Variants in NAV2 observed in about 807,000 individuals in gnomAD.
The protein encoded by NAV2 is helicase, APC down-regulated 1.
A neutral mutation model predicts 223.2 loss-of-function variants in NAV2; 54 were observed. That is an observed-to-expected ratio of 0.24 (90% confidence interval 0.19 to 0.30). NAV2 has a LOEUF of 0.30. NAV2 is among the 10% of genes least tolerant of loss of function. NAV2 has a pLI of 1.00. For missense variants in NAV2, 2,806 were observed against 3,147.5 expected (o/e 0.89, Z 2.60); for synonymous variants, 1,279 against 1,239.3 (o/e 1.03, Z -0.67).
intron 3 of NAV2, among the ~76,000 whole-genome samples, chr11:19,857,321 GGTGA>G (rs1162220659): frequency 2.9e-4 from 44 of 152,222 alleles, no homozygotes; most frequent in Admixed American, 2.9e-3. Flanking sequence ...AAAAGAGCAT[GGTGA>G]GTAAGTGTCA....
At chr11:20,062,163 C>T (rs2058747661) in intron 19 of NAV2, 144 bp from the exon 20 acceptor site, 1 of 536,684 alleles carries the variant, frequency 1.9e-6, no homozygotes. Flanking sequence ...TGACCTATCG[C>T]CAAACCAGGA....
chr11:19,613,622 A>T (rs753510673), intron 1 of NAV2, among the ~76,000 whole-genome samples: 1 of 152,178 alleles, frequency 6.6e-6, no homozygotes, highest in Non-Finnish European at 1.5e-5. Flanking sequence ...CCTCTCCAGG[A>T]CTTGCAGGGG....
intron 1 of NAV2, among the ~76,000 whole-genome samples, chr11:19,794,104 T>C (rs1404390360): frequency 6.6e-6 from 1 of 152,194 alleles, no homozygotes; most frequent in African/African-American, 2.4e-5. Flanking sequence ...GTCTGCATTA[T>C]TTTCTACTGA....
chr11:19,493,433 CCTT>C lies in NAV2; in HGVS notation c.75+142413_75+142415del, dbSNP rs530682224. On this transcript the variant is annotated intron_variant, in intron 1 of 37. Coordinates refer to the NAV2 transcript ENST00000360655. Reference sequence around the variant, plus strand: ...TAAGAGGTGAATTTTAGTAATTTTCCCTTCTTCTTAAAGCCTCTCTGTAATGTC... The same window carrying C: ...TAAGAGGTGAATTTTAGTAATTTTCCCTTCTTAAAGCCTCTCTGTAATGTC... 1.6e-4 allele frequency among the ~76,000 whole-genome samples: 25 copies of C among 152,212 alleles called. 1 individual carries two copies. In the South Asian group the frequency reaches 5.2e-3, roughly 32 times the overall value.
chr11:19,967,423 C>A (rs998926689), intron 10 of NAV2, among the ~76,000 whole-genome samples: 3 of 150,574 alleles, frequency 2.0e-5, no homozygotes, highest in Non-Finnish European at 4.5e-5. Context: ...GAACAGGTAA[C>A]AAGGTGCAGG....
chr11:19,586,582 A>G (rs1198886768), intron 1 of NAV2, among the ~76,000 whole-genome samples: 1 of 152,086 alleles, frequency 6.6e-6, no homozygotes, highest in Non-Finnish European at 1.5e-5. Flanking sequence ...TCTGTTTGTT[A>G]GTTTTCCTTC....
At chr11:19,868,546 C>T (rs1045178940) in intron 3 of NAV2, among the ~76,000 whole-genome samples, 2 of 152,192 alleles carry the variant, frequency 1.3e-5, no homozygotes, top group Non-Finnish European at 2.9e-5. Context: ...CTGCCTGCCT[C>T]TTTGGTGGCT....
At chr11:19,792,220 G>A (rs1022222520) in intron 1 of NAV2, among the ~76,000 whole-genome samples, 1 of 152,208 alleles carries the variant, frequency 6.6e-6, no homozygotes, top group Non-Finnish European at 1.5e-5. Flanking sequence ...GGCTTTAGGA[G>A]CTCTGTGCCA....
rs2059182280 is a variant in NAV2, at chr11:20,068,387, C to T, written c.4972C>T (p.Leu1658=). Reference sequence around the variant, plus strand: ...GAAAGTTTCAGCTTTGACCACCCAGCTGACAGCAAATGTAAGTACAGACAT... The same window carrying T: ...GAAAGTTTCAGCTTTGACCACCCAGTTGACAGCAAATGTAAGTACAGACAT... ...QEKVSALTTQ[L]TANAHLVAAF... Residue 1658 remains leucine (L), a synonymous_variant, in exon 22 of 38, where the codon CTG becomes TTG. Coordinates refer to ENST00000349880, the MANE Select transcript of NAV2 (RefSeq NM_145117.5). 1 of 1,613,668 alleles carries T rather than the reference C, an allele frequency of 6.2e-7. No homozygotes were observed. Among genetic ancestry groups the T allele is most frequent in the South Asian group, 1.1e-5 (1 of 91,082 alleles).
intron 1 of NAV2, among the ~76,000 whole-genome samples, chr11:19,629,585 G>A (rs2047288145): frequency 7.0e-6 from 1 of 142,028 alleles, no homozygotes. Flanking sequence ...ACACAGCCTA[G>A]GAGAATTAAT....
chr11:19,427,059 A>C (rs1466911948), intron 1 of NAV2, among the ~76,000 whole-genome samples: 5 of 152,224 alleles, frequency 3.3e-5, no homozygotes, highest in Admixed American at 3.3e-4. Flanking sequence ...TGACCGGGAC[A>C]CTCTTAGCCT....
intron 1 of NAV2, among the ~76,000 whole-genome samples, chr11:19,783,994 A>T (rs905261399): frequency 6.6e-6 from 1 of 152,190 alleles, no homozygotes; most frequent in Non-Finnish European, 1.5e-5. Context: ...AAAACATGTT[A>T]CTTTTTATGG....
At chr11:19,688,180 C>T (rs1243734150) in intron 1 of NAV2, among the ~76,000 whole-genome samples, 1 of 152,214 alleles carries the variant, frequency 6.6e-6, no homozygotes, top group Non-Finnish European at 1.5e-5. Flanking sequence ...ATCCCAATTA[C>T]AGCCTTGAAT....
At position 20,079,697 on chromosome 11, in the gene NAV2, G is replaced by A. The variant is rs891111726; in HGVS notation, c.5180-367G>A. Among the ~76,000 whole-genome samples the A allele has an allele frequency of 6.4e-4, 97 of 152,174 alleles. 1 individual carries two copies. Among genetic ancestry groups the A allele is most frequent in the Non-Finnish European group, 1.6e-4 (11 of 68,032 alleles). ...TCCAGAGGGCTGCAAGAAGGCCACT[G>A]TGACAGGAGCCCAGAGAGCAGGAGA... On this transcript the variant is annotated intron_variant, in intron 24 of 37. Transcript: ENST00000349880.
intron 1 of NAV2, among the ~76,000 whole-genome samples, chr11:19,360,951 T>C (rs974471165): frequency 6.6e-6 from 1 of 152,152 alleles, no homozygotes; most frequent in Non-Finnish European, 1.5e-5. Context: ...GATGGAGTTC[T>C]TGACAATGGA....
intron 1 of NAV2, among the ~76,000 whole-genome samples, chr11:19,565,286 T>C (rs1456593772): frequency 6.6e-6 from 1 of 152,220 alleles, no homozygotes; most frequent in East Asian, 1.9e-4. Context: ...CATGCTTTTC[T>C]TCCTACTCCG....
At chr11:19,794,029 G>A (rs1269113211) in intron 1 of NAV2, among the ~76,000 whole-genome samples, 1 of 152,112 alleles carries the variant, frequency 6.6e-6, no homozygotes, top group Non-Finnish European at 1.5e-5. Flanking sequence ...TCGTTTAGGG[G>A]TATGTTTACT....
At chr11:19,869,309 CA>C (rs2062308432) in intron 4 of NAV2, among the ~76,000 whole-genome samples, 1 of 152,196 alleles carries the variant, frequency 6.6e-6, no homozygotes, top group Admixed American at 6.5e-5. Context: ...AGTTAATTAT[CA>C]AGTCAGGCCT....
At chr11:19,733,638 A>G (rs2052015046) in intron 1 of NAV2, among the ~76,000 whole-genome samples, 1 of 152,204 alleles carries the variant, frequency 6.6e-6, no homozygotes, top group Admixed American at 6.5e-5. Context: ...ACATTTACTT[A>G]AAGGAGAGAA....
Sources: allele counts gnomAD v4.1 joint callset (sites outside exome capture counted in the v4.1 genomes callset), GRCh38; gene constraint gnomAD v4.1.1; transcripts MANE v1.5; gene names NCBI Gene and HGNC (gene_info 2026-07-23, HGNC 2026-07-21).